Variants in MVB12B observed in about 807,000 individuals in gnomAD.
MVB12B encodes the protein multivesicular body subunit 12B.
MVB12B carries 16 observed loss-of-function variants against 41.6 expected under a neutral mutation model. The ratio of observed to expected loss-of-function variants is 0.38; its 90% confidence interval spans 0.26 to 0.58. MVB12B has a LOEUF of 0.58. MVB12B is among the 20% of genes least tolerant of loss of function. The pLI is 0.62. For missense variants in MVB12B, 274 were observed against 380.2 expected (o/e 0.72, Z 2.32); for synonymous variants, 133 against 139.7 (o/e 0.95, Z 0.34).
In MVB12B at chr9:126,468,624, C is replaced by T. The variant is rs983361172; in HGVS notation, c.758-12745C>T. On this transcript the variant is annotated intron_variant, in intron 7 of 9. Transcript: ENST00000361171. The surrounding 1 kb of genome is among the most constrained non-coding windows in gnomAD (Gnocchi z 4.3). Reference sequence around the variant, plus strand: ...CATTCTTACTGCCACTGCCCTCATCCGGGCCACCAGCGTCCCTCGCCTGGT... The same window carrying T: ...CATTCTTACTGCCACTGCCCTCATCTGGGCCACCAGCGTCCCTCGCCTGGT... Among the ~76,000 whole-genome samples the T allele has an allele frequency of 6.6e-6, 1 of 152,220 alleles. No individual in the cohort carries two copies. Among genetic ancestry groups the T allele is most frequent in the Admixed American group, 6.5e-5 (1 of 15,290 alleles).
intron 7 of MVB12B, among the ~76,000 whole-genome samples, chr9:126,455,474 C>A (rs1288862541): frequency 6.6e-6 from 1 of 151,886 alleles, no homozygotes; most frequent in Non-Finnish European, 1.5e-5. Flanking sequence ...GTGTGAGCCA[C>A]CGTGCCTGGC....
intron 2 of MVB12B, among the ~76,000 whole-genome samples, chr9:126,356,229 G>A (rs1398721613): frequency 6.6e-6 from 1 of 152,122 alleles, no homozygotes; most frequent in African/African-American, 2.4e-5. Flanking sequence ...AAAATACTAT[G>A]TTTTGATCCT....
At chr9:126,466,978 C>T (rs1170570139) in intron 7 of MVB12B, among the ~76,000 whole-genome samples, 1 of 152,068 alleles carries the variant, frequency 6.6e-6, no homozygotes, top group African/African-American at 2.4e-5. Context: ...CAGGCATGTG[C>T]CACCATGCCC....
intron 7 of MVB12B, among the ~76,000 whole-genome samples, chr9:126,441,001 G>T (rs931777372): frequency 1.3e-5 from 2 of 152,200 alleles, no homozygotes; most frequent in Admixed American, 1.3e-4. Flanking sequence ...TGATGAATGC[G>T]GCGAGGCCTG....
chr9:126,450,170 G>C (rs944659593), intron 7 of MVB12B, among the ~76,000 whole-genome samples: 2 of 152,264 alleles, frequency 1.3e-5, no homozygotes, highest in Non-Finnish European at 2.9e-5. Flanking sequence ...CAGGTGATGA[G>C]TCCTGCTGCT....
chr9:126,446,667 T>A (rs188731340), intron 7 of MVB12B, among the ~76,000 whole-genome samples: 396 of 152,080 alleles, frequency 2.6e-3, no homozygotes, highest in Non-Finnish European at 4.3e-3. Context: ...TGTATTTTTT[T>A]AAAGAAAATA....
intron 7 of MVB12B, among the ~76,000 whole-genome samples, chr9:126,469,171 A>G (rs979288788): frequency 6.6e-6 from 1 of 152,146 alleles, no homozygotes; most frequent in African/African-American, 2.4e-5. Flanking sequence ...GCAAAAGTCC[A>G]TGTCTAAAAA....
rs1373484554 is a variant in MVB12B at position 126,478,036 on chromosome 9, T to C, written c.758-3333T>C. On this transcript the variant is annotated intron_variant, in intron 7 of 9. Coordinates refer to ENST00000361171, the MANE Select transcript of MVB12B (RefSeq NM_033446.3). The surrounding 1 kb of genome is among the most constrained non-coding windows in gnomAD (Gnocchi z 4.2). ...GTGGGAGCAGGGAGAAACTGCTTCA[T>C]GGGTGAGGGGTTTGGCTTTGGAGCG... Among the ~76,000 whole-genome samples the C allele has an allele frequency of 6.6e-6, 1 of 152,184 alleles. No individual in the cohort carries two copies. The highest frequency in any genetic ancestry group is 2.4e-5 in the African/African-American group (1 of 41,436).
At chr9:126,479,271 C>T (rs554426111) in intron 7 of MVB12B, among the ~76,000 whole-genome samples, 24 of 152,226 alleles carry the variant, frequency 1.6e-4, no homozygotes, top group Admixed American at 5.9e-4. Context: ...GGAAGTGTTA[C>T]GAGTGCCCGG....
At position 126,486,096 on chromosome 9, in the gene MVB12B, T is replaced by A. The variant is rs1382872458; in HGVS notation, c.873+2064T>A. On this transcript the variant is annotated intron_variant, in intron 9 of 9. Transcript: ENST00000361171. The surrounding 1 kb of genome is among the most constrained non-coding windows in gnomAD (Gnocchi z 4.7). ...GTACAACAAATTTCTAAACCTGTCA[T>A]AGCAAAAACAAGACAAAAAAGTCCC... 3.3e-5 allele frequency among the ~76,000 whole-genome samples: 5 copies of A among 152,206 alleles called. No homozygotes were observed. Among genetic ancestry groups the A allele is most frequent in the Admixed American group, 2.6e-4 (4 of 15,286 alleles).
intron 2 of MVB12B, among the ~76,000 whole-genome samples, chr9:126,345,402 A>G (rs779643971): frequency 2.0e-5 from 3 of 152,254 alleles, no homozygotes; most frequent in Non-Finnish European, 2.9e-5. Flanking sequence ...GAAGTGACAG[A>G]TCAGCCTCAG....
intron 9 of MVB12B, among the ~76,000 whole-genome samples, chr9:126,489,738 C>T (rs7864083): frequency 0.24 from 36,654 of 152,142 alleles, 4,740 homozygotes; most frequent in Non-Finnish European, 0.29. Flanking sequence ...CTGCCACCTC[C>T]GTCACCTCGC....
chr9:126,479,911 A>T (rs1588203175), intron 7 of MVB12B, among the ~76,000 whole-genome samples: 1 of 152,212 alleles, frequency 6.6e-6, no homozygotes, highest in South Asian at 2.1e-4. Flanking sequence ...GATTGGGAGG[A>T]TCCGTTCCAG....
intron 9 of MVB12B, among the ~76,000 whole-genome samples, chr9:126,488,097 A>C (rs1186098624): frequency 6.6e-6 from 1 of 152,124 alleles, no homozygotes; most frequent in Non-Finnish European, 1.5e-5. Context: ...TGAACTCGGC[A>C]TTGCTCGTGG....
intron 7 of MVB12B, among the ~76,000 whole-genome samples, chr9:126,429,971 T>G (rs1421865496): frequency 6.6e-6 from 1 of 152,192 alleles, no homozygotes; most frequent in African/African-American, 2.4e-5. Context: ...GTGTTAAGCG[T>G]GGGACCTCTC....
chr9:126,426,392 A>G (rs978579097), intron 7 of MVB12B, among the ~76,000 whole-genome samples: 1 of 152,130 alleles, frequency 6.6e-6, no homozygotes, highest in Non-Finnish European at 1.5e-5. Flanking sequence ...TTTTTCGAGC[A>G]TGCCTTTAAG....
chr9:126,386,507 C>A lies in MVB12B; in HGVS notation c.313-55C>A, dbSNP rs897090577. On this transcript the variant is annotated intron_variant, in intron 3 of 9. Coordinates refer to ENST00000361171, the MANE Select transcript of MVB12B (RefSeq NM_033446.3). The surrounding 1 kb of genome is among the most constrained non-coding windows in gnomAD (Gnocchi z 4.3). ...TGCATCTGGAAGCCAAAATGGCAAACCCACCACATGCATGTTCAGATTAAT... is the reference window on the plus strand; with the variant it reads ...TGCATCTGGAAGCCAAAATGGCAAAACCACCACATGCATGTTCAGATTAAT... 1.4e-6 allele frequency: 2 copies of A among 1,399,414 alleles called. No homozygotes were observed. Among genetic ancestry groups the A allele is most frequent in the African/African-American group, 2.8e-5 (2 of 70,632 alleles). The allele number at this position is 1,399,414 out of a possible 1,614,324, so 86.7% of individuals were successfully genotyped here.
rs36030597 is a variant in MVB12B at position 126,403,950 on chromosome 9, C to CTT, written c.662+8275_662+8276dup. On this transcript the variant is annotated intron_variant, in intron 6 of 9. Coordinates refer to ENST00000361171, the MANE Select transcript of MVB12B (RefSeq NM_033446.3). ...GGCTTTACAAATAACTCCTTTAAAT[C>CTT]TTTTTTTTTTTTTTTTTTTTTTTGA... 8.4e-3 allele frequency among the ~76,000 whole-genome samples: 876 copies of CTT among 104,658 alleles called. 7 individuals are homozygous for CTT. Among genetic ancestry groups the CTT allele is most frequent in the East Asian group, 0.01 (29 of 2,846 alleles). 68.7% of individuals were successfully genotyped at this position (104,658 alleles called of 152,430 possible). A position where few individuals can be genotyped will look rare whatever the true frequency, so the allele number is the denominator to read the frequency against.
rs1270509704 is a variant in MVB12B at position 126,397,269 on chromosome 9, A to G, written c.662+1572A>G. The G allele has an allele frequency of 6.1e-6, 6 of 985,330 alleles. No individual in the cohort carries two copies. The African/African-American group carries it at 1.0e-4, about 17-fold the overall frequency. 61.0% of individuals were successfully genotyped at this position (985,330 alleles called of 1,614,324 possible). ...TTTCTGTGGTTAAAGAAAGAACACCAGTTCTCTCAGATAAAGCAGAGAGAG... is the reference window on the plus strand; with the variant it reads ...TTTCTGTGGTTAAAGAAAGAACACCGGTTCTCTCAGATAAAGCAGAGAGAG... On this transcript the variant is annotated intron_variant, in intron 6 of 9. Transcript: ENST00000361171.
Sources: allele counts gnomAD v4.1 joint callset (sites outside exome capture counted in the v4.1 genomes callset), GRCh38; gene constraint gnomAD v4.1.1; non-coding constraint Gnocchi (gnomAD v3.1); transcripts MANE v1.5; gene names NCBI Gene and HGNC (gene_info 2026-07-23, HGNC 2026-07-21).